The following ATRNL1 variants were observed in gnomAD, a reference collection of about 807,000 sequenced individuals.
ATRNL1 encodes attractin-like protein 1.
In ATRNL1, 95 loss-of-function variants were observed where a neutral mutation model predicts 182.7. That is an observed-to-expected ratio of 0.52 (90% CI 0.44 to 0.62). The LOEUF (loss-of-function observed/expected upper bound fraction) is 0.62, where lower values mean the gene tolerates loss of function less well. ATRNL1 is among the 20% of genes least tolerant of loss of function. The pLI is 0.00. For synonymous variants in ATRNL1, 576 were observed against 568.3 expected, an observed-to-expected ratio of 1.01 and a Z score of -0.19; for missense variants, 1,471 against 1,679.5, an observed-to-expected ratio of 0.88 and a Z score of 2.17.
intron 28 of ATRNL1, among the ~76,000 whole-genome samples, chr10:115,859,154 C>T (rs889101975): frequency 6.6e-6 from 1 of 151,974 alleles, no homozygotes; most frequent in Admixed American, 6.6e-5. Flanking sequence ...CCCCAAAAAC[C>T]CCCCACCTCC....
At chr10:115,720,128 G>T (rs1410995272) in intron 26 of ATRNL1, among the ~76,000 whole-genome samples, 2 of 152,080 alleles carry the variant, frequency 1.3e-5, no homozygotes, top group Non-Finnish European at 2.9e-5. Context: ...CTCCCAAAGT[G>T]CTGGGATTAT....
In ATRNL1 at chr10:115,946,405, A is replaced by G. The variant is rs1351644414; in HGVS notation, c.*1626A>G. ...TGTCATATATAAGAGGAATGATCAT[A>G]CAATATGTAGTTGCATCTTATATAA... On this transcript the variant is annotated 3_prime_UTR_variant, in exon 29 of 29. Transcript: ENST00000355044. The G allele has an allele frequency of 6.6e-6, 1 of 152,218 alleles. No individual in the cohort carries two copies. Among genetic ancestry groups the G allele is most frequent in the Admixed American group, 6.5e-5 (1 of 15,282 alleles). 9.4% of individuals were successfully genotyped at this position (152,218 alleles called of 1,614,324 possible).
intron 26 of ATRNL1, among the ~76,000 whole-genome samples, chr10:115,629,248 G>A (rs1858325799): frequency 6.6e-6 from 1 of 152,254 alleles, no homozygotes; most frequent in South Asian, 2.1e-4. Flanking sequence ...TACTCTCAAG[G>A]AAGAGCTTAA....
At chr10:115,197,372 A>G (rs1472880628) in intron 8 of ATRNL1, among the ~76,000 whole-genome samples, 1 of 152,102 alleles carries the variant, frequency 6.6e-6, no homozygotes, top group Non-Finnish European at 1.5e-5. Flanking sequence ...AATCTGGCTA[A>G]TGTTAAATGA....
At chr10:115,656,546 G>A (rs1860345414) in intron 26 of ATRNL1, among the ~76,000 whole-genome samples, 1 of 152,270 alleles carries the variant, frequency 6.6e-6, no homozygotes, top group Non-Finnish European at 1.5e-5. Context: ...TCCAGGGTGG[G>A]TACCTGCGTT....
At chr10:115,852,547 A>G (rs1951080843) in intron 28 of ATRNL1, among the ~76,000 whole-genome samples, 1 of 152,112 alleles carries the variant, frequency 6.6e-6, no homozygotes, top group Non-Finnish European at 1.5e-5. Flanking sequence ...CACTTTTACT[A>G]TTTAGAAAAC....
At chr10:115,317,880 C>G (rs545451929) in intron 18 of ATRNL1, among the ~76,000 whole-genome samples, 15 of 152,182 alleles carry the variant, frequency 9.9e-5, no homozygotes, top group African/African-American at 2.9e-4. Flanking sequence ...GTTTGAATAC[C>G]CTTTATTTCT....
At chr10:115,436,320 C>T (rs1397288743) in intron 21 of ATRNL1, among the ~76,000 whole-genome samples, 1 of 151,892 alleles carries the variant, frequency 6.6e-6, no homozygotes, top group African/African-American at 2.4e-5. Flanking sequence ...ATTAAAAATC[C>T]CATAAATTAG....
At chr10:115,771,624 C>T (rs1298529933) in intron 27 of ATRNL1, among the ~76,000 whole-genome samples, 1 of 152,188 alleles carries the variant, frequency 6.6e-6, no homozygotes, top group Non-Finnish European at 1.5e-5. Context: ...TTCAGCAGAT[C>T]ATGAGTCTAA....
chr10:115,279,954 G>A (rs2133921207), intron 13 of ATRNL1, among the ~76,000 whole-genome samples: 1 of 152,268 alleles, frequency 6.6e-6, no homozygotes, highest in Admixed American at 6.5e-5. Context: ...TTGTGTGTTA[G>A]GGGCCACAGT....
intron 27 of ATRNL1, among the ~76,000 whole-genome samples, chr10:115,795,221 G>T (rs4751568): frequency 0.62 from 93,701 of 151,922 alleles, 29,721 homozygotes; most frequent in East Asian, 0.77. Context: ...GGAAAACATA[G>T]CTATGTATAT....
intron 28 of ATRNL1, among the ~76,000 whole-genome samples, chr10:115,852,388 A>G (rs1951077575): frequency 6.6e-6 from 1 of 152,158 alleles, no homozygotes; most frequent in Non-Finnish European, 1.5e-5. Flanking sequence ...GGTGTCATGG[A>G]TGTCTTTCTT....
chr10:115,658,010 A>G (rs1363305002), intron 26 of ATRNL1, among the ~76,000 whole-genome samples: 1 of 148,610 alleles, frequency 6.7e-6, no homozygotes, highest in Admixed American at 6.7e-5. Context: ...ACTATACCCT[A>G]TTTTTAATAG....
At chr10:115,868,263 A>G (rs950282598) in intron 28 of ATRNL1, among the ~76,000 whole-genome samples, 32 of 152,224 alleles carry the variant, frequency 2.1e-4, no homozygotes, top group African/African-American at 6.0e-4. Context: ...AATTTCTTAC[A>G]TTACCATCTA....
intron 26 of ATRNL1, among the ~76,000 whole-genome samples, chr10:115,668,069 G>A (rs1861103954): frequency 1.3e-5 from 2 of 152,110 alleles, no homozygotes; most frequent in Admixed American, 6.6e-5. Flanking sequence ...AAATACAGGA[G>A]GGATTGCTGG....
At chr10:115,688,901 A>G (rs192614287) in intron 26 of ATRNL1, among the ~76,000 whole-genome samples, 4 of 152,084 alleles carry the variant, frequency 2.6e-5, no homozygotes, top group Non-Finnish European at 5.9e-5. Flanking sequence ...ATTTTTCTCT[A>G]TGTTTCTTCT....
intron 28 of ATRNL1, among the ~76,000 whole-genome samples, chr10:115,853,624 A>G (rs1555101098): frequency 6.6e-6 from 1 of 152,212 alleles, no homozygotes; most frequent in African/African-American, 2.4e-5. Context: ...TAATCTTAGC[A>G]CTTTCTTTGT....
chr10:115,437,495 A>ACTGTTAATGTAATGTAAAATAT (rs1362210707), intron 21 of ATRNL1, among the ~76,000 whole-genome samples: 2 of 151,986 alleles, frequency 1.3e-5, no homozygotes, highest in Non-Finnish European at 2.9e-5. Flanking sequence ...TCATTACAGC[A>ACTGTTAATGTAATGTAAAATAT]CATTGAGACT....
chr10:115,871,344 CTTTT>C (rs34110588), intron 28 of ATRNL1, among the ~76,000 whole-genome samples: 1 of 141,724 alleles, frequency 7.1e-6, no homozygotes, highest in Non-Finnish European at 1.6e-5. Context: ...CCTTTTAGGA[CTTTT>C]TTTTTTTTGC....
Sources: allele counts gnomAD v4.1 joint callset (sites outside exome capture counted in the v4.1 genomes callset), GRCh38; gene constraint gnomAD v4.1.1; transcripts MANE v1.5; gene names NCBI Gene and HGNC (gene_info 2026-07-23, HGNC 2026-07-21).